ZNF821: variants seen among roughly 807,000 people sequenced by gnomAD.
ZNF821 encodes zinc finger protein 821.
A neutral mutation model predicts 44.3 loss-of-function variants in ZNF821; 16 were observed. The observed-to-expected ratio is 0.36, with a 90% CI of 0.24 to 0.55. The LOEUF (loss-of-function observed/expected upper bound fraction) is 0.55, where lower values mean the gene tolerates loss of function less well. Ranked by LOEUF, ZNF821 falls within the 20% of genes least tolerant of loss-of-function variation. ZNF821 has a pLI of 0.86. For missense variants in ZNF821, 436 were observed against 547.6 expected (o/e 0.80, Z 2.03); for synonymous variants, 204 against 197.6 (o/e 1.03, Z -0.27).
intron 4 of ZNF821, among the ~76,000 whole-genome samples, chr16:71,866,230 T>G (rs1320962641): frequency 6.6e-6 from 1 of 152,212 alleles, no homozygotes; most frequent in Non-Finnish European, 1.5e-5. Context: ...CTACTACCCT[T>G]GCATAATATC....
upstream of ZNF821, among the ~76,000 whole-genome samples, chr16:71,888,058 G>T (rs534267009): frequency 3.8e-4 from 57 of 151,824 alleles, no homozygotes; most frequent in African/African-American, 1.0e-3. Context: ...TGTATTTTTT[G>T]TAGAGACGGG....
At position 71,891,995 on chromosome 16, in the gene ZNF821, CAAAAAAA is replaced by C. The variant is rs58554253; in HGVS notation, n.448+2887_448+2893del. Among the ~76,000 whole-genome samples, 110 of 21,164 alleles carry C rather than the reference CAAAAAAA, an allele frequency of 5.2e-3. 2 individuals carry two copies. The highest frequency in any genetic ancestry group is 0.013 in the South Asian group (5 of 378). The allele number at this position is 21,164 out of a possible 152,430, so 13.9% of individuals were successfully genotyped here. ...TGGGCGACAGAGAGAGACTCCGTCT[CAAAAAAA>C]AAAAAAAAAAAAAAAAAAATTAGCT... is the stretch of plus-strand genomic sequence containing the variant. On this transcript the variant is annotated intron_variant and non_coding_transcript_variant, in intron 1 of 2. Coordinates refer to the ZNF821 transcript ENST00000561700.
At position 71,864,939 on chromosome 16, in the gene ZNF821, T is replaced by A; in HGVS notation, c.276A>T (p.Glu92Asp). The change falls in exon 5 of 8, where the codon GAA (glutamate) becomes GAT (aspartate). Residue 92 changes from glutamate (E) to aspartate (D), a missense_variant. This residue lies in a region of ZNF821 where 238 missense variants were observed against 281.4 expected (regional missense o/e 0.85). Coordinates refer to ENST00000425432, the MANE Select transcript of ZNF821 (RefSeq NM_001201552.2). ...CCACTTCGTTCCCACCAACAGGCTG[T>A]TCTGTATTTTCTAACTCTTTCTCCA... The part of the protein sequence containing the change: ...VKVEKELENT[E>D]QPVGGNEVVE... 1 of 1,614,092 alleles carries A rather than the reference T, an allele frequency of 6.2e-7. No homozygotes were observed. Among genetic ancestry groups the A allele is most frequent in the Non-Finnish European group, 8.5e-7 (1 of 1,180,020 alleles).
Position 71,884,157 on chromosome 16 carries a change from G to A in ZNF821, c.-390C>T, listed in dbSNP as rs920265219. On this transcript the variant is annotated 5_prime_UTR_variant, in exon 1 of 8. Transcript: ENST00000425432. ...GAGGGGGAAAAAGATGGCGACGCGG[G>A]CGGCGGGAGCGCGCGGCTCGCGCAC... is the stretch of plus-strand genomic sequence containing the variant. 2 of 152,120 alleles carry A rather than the reference G, an allele frequency of 1.3e-5. No individual in the cohort carries two copies. The highest frequency in any genetic ancestry group is 4.8e-5 in the African/African-American group (2 of 41,424). The allele number at this position is 152,120 out of a possible 1,614,324, so 9.4% of individuals were successfully genotyped here.
At chr16:71,864,277 CT>C (rs781102935) in intron 5 of ZNF821, 35 bp from the exon 6 acceptor site, 1 of 1,570,472 alleles carries the variant, frequency 6.4e-7, no homozygotes, top group African/African-American at 1.3e-5. Flanking sequence ...CATTAGGACT[CT>C]TTACTCATCT....
chr16:71,871,439 CTA>C (rs1371916397), intron 3 of ZNF821, among the ~76,000 whole-genome samples: 1 of 152,158 alleles, frequency 6.6e-6, no homozygotes, highest in Non-Finnish European at 1.5e-5. Context: ...CCAGTAGTTA[CTA>C]TTTACCTAAT....
In ZNF821 at chr16:71,864,992, A is replaced by C; in HGVS notation, c.223T>G (p.Ser75Ala). The C allele has an allele frequency of 1.2e-6, 2 of 1,614,150 alleles. No homozygotes were observed. The highest frequency in any genetic ancestry group is 1.7e-6 in the Non-Finnish European group (2 of 1,180,012). Reference sequence around the variant, plus strand: ...TTGACCACCCCTCCATCTTCCTCTGATGTGTGGGAAGAGACTTCATCTTGT... The same window carrying C: ...TTGACCACCCCTCCATCTTCCTCTGCTGTGTGGGAAGAGACTTCATCTTGT... ...TTQDEVSSHT[S>A]EEDGGVVKVE... is the part of the protein sequence containing the mutation. The change falls in exon 5 of 8, where the codon TCA (serine) becomes GCA (alanine). Residue 75 changes from serine to alanine, a missense_variant. By Grantham distance (99) the Ser-to-Ala change is moderately conservative. This residue lies in a region of ZNF821 where 238 missense variants were observed against 281.4 expected (regional missense o/e 0.85). Coordinates refer to ENST00000425432, the MANE Select transcript of ZNF821 (RefSeq NM_001201552.2).
rs1266332964 is a variant in ZNF821 at position 71,864,193 on chromosome 16, G to C, written c.362C>G (p.Pro121Arg). The C allele has an allele frequency of 3.7e-6, 6 of 1,614,082 alleles. No homozygotes were observed. Among genetic ancestry groups the C allele is most frequent in the African/African-American group, 2.7e-5 (2 of 74,932 alleles). The change falls in exon 6 of 8, where the codon CCC (proline) becomes CGC (arginine). Residue 121 changes from proline (P) to arginine (R), a missense_variant. Physicochemically the swap from Pro to Arg is moderately radical, Grantham distance 103. Transcript: ENST00000425432. ...GCTCCCGCAGTCTAGCTGGCAGAGG[G>C]GACACTGGCAGAGTTCAAGCAAGGG... ...SDPLLELCQC[P>R]LCQLDCGSRE...
At chr16:71,874,938 C>A (rs2035635033) in intron 3 of ZNF821, among the ~76,000 whole-genome samples, 1 of 152,150 alleles carries the variant, frequency 6.6e-6, no homozygotes, top group Admixed American at 6.6e-5. Flanking sequence ...GCTTCAGTTC[C>A]CAAATAACAA....
chr16:71,865,482 A>T (rs2034433595), intron 4 of ZNF821, among the ~76,000 whole-genome samples: 2 of 152,034 alleles, frequency 1.3e-5, no homozygotes, highest in African/African-American at 4.8e-5. Flanking sequence ...ATACTATTCT[A>T]CTCTGAACCC....
intron 3 of ZNF821, among the ~76,000 whole-genome samples, chr16:71,879,221 A>T (rs1459697400): frequency 2.6e-5 from 4 of 152,208 alleles, no homozygotes; most frequent in Admixed American, 2.6e-4. Flanking sequence ...TGAACAAATG[A>T]GACCTCTGCT....
upstream of ZNF821, among the ~76,000 whole-genome samples, chr16:71,887,558 G>A (rs990397810): frequency 6.6e-6 from 1 of 152,204 alleles, no homozygotes; most frequent in Non-Finnish European, 1.5e-5. Context: ...ATCGCGCGCA[G>A]CCCTCTGTGT....
chr16:71,862,188 C>T (rs1226836177), intron 6 of ZNF821, among the ~76,000 whole-genome samples: 1 of 152,066 alleles, frequency 6.6e-6, no homozygotes, highest in Non-Finnish European at 1.5e-5. Context: ...ACTTAAGGAA[C>T]AGTGGGAGCC....
chr16:71,884,874 T>TG (rs2036786083), upstream of ZNF821: 1 of 132,746 alleles, frequency 7.5e-6, no homozygotes, highest in African/African-American at 4.0e-5. Flanking sequence ...TTTTTTTTTT[T>TG]TGAGACAGAG....
Position 71,894,493 on chromosome 16 carries a change from G to T in ZNF821, n.448+396C>A, listed in dbSNP as rs148537281. On this transcript the variant is annotated intron_variant and non_coding_transcript_variant, in intron 1 of 2. Transcript: ENST00000561700. ...ATTACCGACTTCAGGTGATACACCT[G>T]CCTCGGCCTCCCAAAATGTTGAGAT... 2.9e-4 allele frequency: 60 copies of T among 210,218 alleles called. No individual in the cohort carries two copies. The East Asian group carries it at 6.9e-3, about 24-fold the overall frequency. 13.0% of individuals were successfully genotyped at this position (210,218 alleles called of 1,614,324 possible).
At chr16:71,876,932 C>G (rs2035887620) in intron 3 of ZNF821, among the ~76,000 whole-genome samples, 1 of 152,076 alleles carries the variant, frequency 6.6e-6, no homozygotes, top group Admixed American at 6.6e-5. Flanking sequence ...TCTTCCTTGA[C>G]AATCCTCACG....
intron 3 of ZNF821, among the ~76,000 whole-genome samples, chr16:71,868,811 C>T (rs1180759446): frequency 6.6e-6 from 1 of 151,444 alleles, no homozygotes; most frequent in East Asian, 1.9e-4. Context: ...CTGGCACCCG[C>T]CTCCATGCCC....
At chr16:71,889,810 A>T (rs1284739681) in intron 1 of ZNF821, among the ~76,000 whole-genome samples, 2 of 152,178 alleles carry the variant, frequency 1.3e-5, no homozygotes, top group African/African-American at 4.8e-5. Flanking sequence ...GAAATTACCC[A>T]GGTATGGTGG....
chr16:71,866,325 C>A (rs371520817), intron 4 of ZNF821, among the ~76,000 whole-genome samples: 5 of 152,176 alleles, frequency 3.3e-5, no homozygotes, highest in African/African-American at 4.8e-5. Context: ...GAAGGTCTAA[C>A]CAAATCATCT....
Sources: gnomAD v4.1 joint callset for allele counts (sites outside exome capture counted in the v4.1 genomes callset) on GRCh38, gnomAD v4.1.1 for gene constraint, gnomAD v4.1.1 regional missense constraint, MANE v1.5 for transcripts, NCBI Gene and HGNC (gene_info 2026-07-23, HGNC 2026-07-21) for gene names.